Variants in GBE1 observed in about 807,000 individuals in gnomAD.
The protein encoded by GBE1 is 1,4-alpha-glucan branching enzyme 1.
Under a neutral mutation model 88.8 loss-of-function variants are expected in GBE1, and 70 were observed. The ratio of observed to expected loss-of-function variants is 0.79; its 90% confidence interval spans 0.65 to 0.96. The LOEUF (loss-of-function observed/expected upper bound fraction) is 0.96. Ranked by LOEUF, GBE1 falls within the 40% of genes least tolerant of loss-of-function variation. GBE1 has a pLI of 0.00. For missense variants in GBE1, 872 were observed against 871.0 expected, an observed-to-expected ratio of 1.00 and a Z score of -0.01; for synonymous variants, 284 against 300.1, an observed-to-expected ratio of 0.95 and a Z score of 0.56.
chr3:81,581,931 T>A (rs907137602), intron 10 of GBE1, among the ~76,000 whole-genome samples: 1 of 152,040 alleles, frequency 6.6e-6, no homozygotes. Flanking sequence ...AGTAGATACT[T>A]GCTATACATA....
At chr3:81,634,084 A>T (rs1704556685) in intron 7 of GBE1, among the ~76,000 whole-genome samples, 1 of 152,160 alleles carries the variant, frequency 6.6e-6, no homozygotes, top group Admixed American at 6.6e-5. Flanking sequence ...GCCACCTCAG[A>T]GGAGATCCGT....
chr3:81,657,953 C>T (rs1559678545), intron 3 of GBE1, among the ~76,000 whole-genome samples: 1 of 152,044 alleles, frequency 6.6e-6, no homozygotes, highest in Admixed American at 6.6e-5. Context: ...TTATGCAAGA[C>T]TGGACACTAC....
intron 3 of GBE1, among the ~76,000 whole-genome samples, chr3:81,659,885 A>AT (rs140617983): frequency 0.028 from 4,297 of 152,282 alleles, 217 homozygotes; most frequent in African/African-American, 0.094. Context: ...ACAGTTAATG[A>AT]TGAGATGAAT....
chr3:81,670,253 C>A (rs993855724), intron 3 of GBE1, among the ~76,000 whole-genome samples: 1 of 152,124 alleles, frequency 6.6e-6, no homozygotes, highest in Non-Finnish European at 1.5e-5. Flanking sequence ...ACATGGTCAA[C>A]GAAAGCAGAG....
At chr3:81,517,468 C>A (rs1702811868) in intron 14 of GBE1, among the ~76,000 whole-genome samples, 1 of 151,304 alleles carries the variant, frequency 6.6e-6, no homozygotes, top group Non-Finnish European at 1.5e-5. Flanking sequence ...TTCCAGTGGT[C>A]TGGAACCCAA....
At chr3:81,735,394 G>A (rs1008354346) in intron 1 of GBE1, among the ~76,000 whole-genome samples, 1 of 152,168 alleles carries the variant, frequency 6.6e-6, no homozygotes, top group Admixed American at 6.5e-5. Context: ...AGTTTCAGGG[G>A]CTTCCACTTA....
intron 1 of GBE1, among the ~76,000 whole-genome samples, chr3:81,747,227 G>GA (rs1027265368): frequency 6.6e-6 from 1 of 152,004 alleles, no homozygotes; most frequent in Non-Finnish European, 1.5e-5. Flanking sequence ...CAAAATAAAT[G>GA]AAAAAATTGA....
At chr3:81,594,358 T>G (rs145404509) in intron 7 of GBE1, among the ~76,000 whole-genome samples, 1 of 152,072 alleles carries the variant, frequency 6.6e-6, no homozygotes, top group African/African-American at 2.4e-5. Flanking sequence ...GATTACTACA[T>G]AGTAGTGCTC....
chr3:81,554,258 A>G (rs1703317233), intron 12 of GBE1, among the ~76,000 whole-genome samples: 1 of 152,224 alleles, frequency 6.6e-6, no homozygotes, highest in South Asian at 2.1e-4. Flanking sequence ...AATAACTCAG[A>G]AAATAATTTG....
intron 7 of GBE1, among the ~76,000 whole-genome samples, chr3:81,624,442 A>C (rs1704375437): frequency 6.6e-6 from 1 of 152,150 alleles, no homozygotes; most frequent in Non-Finnish European, 1.5e-5. Flanking sequence ...TGCTCCTAAC[A>C]TGTAATATTC....
intron 1 of GBE1, among the ~76,000 whole-genome samples, chr3:81,734,917 T>A (rs1466056958): frequency 6.6e-6 from 1 of 152,180 alleles, no homozygotes; most frequent in Non-Finnish European, 1.5e-5. Context: ...TTAAACTGTG[T>A]GTCATTGAGA....
At chr3:81,616,875 T>C (rs1704254625) in intron 7 of GBE1, among the ~76,000 whole-genome samples, 1 of 152,084 alleles carries the variant, frequency 6.6e-6, no homozygotes, top group Admixed American at 6.6e-5. Context: ...CAGTGTTTTA[T>C]AGTTTTCATT....
At chr3:81,634,032 A>C (rs951044589) in intron 7 of GBE1, among the ~76,000 whole-genome samples, 1 of 152,182 alleles carries the variant, frequency 6.6e-6, no homozygotes, top group Non-Finnish European at 1.5e-5. Flanking sequence ...TCTCAACACG[A>C]AAGCAACTGA....
At chr3:81,492,695 TCTCC>T (rs1702452766) in intron 15 of GBE1, among the ~76,000 whole-genome samples, 1 of 145,094 alleles carries the variant, frequency 6.9e-6, no homozygotes, top group Non-Finnish European at 1.5e-5. Context: ...TTTCTCCCTT[TCTCC>T]CTTTCTTCCT....
intron 12 of GBE1, among the ~76,000 whole-genome samples, chr3:81,574,199 C>T (rs1703613410): frequency 6.6e-6 from 1 of 152,074 alleles, no homozygotes; most frequent in South Asian, 2.1e-4. Flanking sequence ...AAACAATGTA[C>T]TATCAGACAA....
At chr3:81,743,412 C>T (rs888680019) in intron 1 of GBE1, 8 of 549,296 alleles carry the variant, frequency 1.5e-5, no homozygotes, top group African/African-American at 1.2e-4. Context: ...TAAAAAGACA[C>T]AAGGCACACA....
chr3:81,666,171 A>C (rs942175918), intron 3 of GBE1, among the ~76,000 whole-genome samples: 1 of 152,162 alleles, frequency 6.6e-6, no homozygotes, highest in Non-Finnish European at 1.5e-5. Context: ...TCATATTTTT[A>C]TGATAATAAA....
chr3:81,578,822 G>C (rs1703683594), intron 11 of GBE1, among the ~76,000 whole-genome samples: 1 of 151,904 alleles, frequency 6.6e-6, no homozygotes, highest in Non-Finnish European at 1.5e-5. Context: ...CAATAACATA[G>C]AGTAAAATGT....
At chr3:81,581,312 G>T in intron 10 of GBE1, 37 bp from the exon 11 acceptor site, 3 of 1,137,660 alleles carry the variant, frequency 2.6e-6, no homozygotes, top group African/African-American at 1.6e-5. Flanking sequence ...TCTGAGTAAA[G>T]CATTATTTTT....
Sources: gnomAD v4.1 joint callset for allele counts (sites outside exome capture counted in the v4.1 genomes callset) on GRCh38, gnomAD v4.1.1 for gene constraint, MANE v1.5 for transcripts, NCBI Gene and HGNC (gene_info 2026-07-23, HGNC 2026-07-21) for gene names.